Variants in MSH4 observed in about 807,000 individuals in gnomAD.
The protein encoded by MSH4 is mutS homolog 4.
A neutral mutation model predicts 113.7 loss-of-function variants in MSH4; 106 were observed. That is an observed-to-expected ratio of 0.93 (90% CI 0.80 to 1.10). The LOEUF (loss-of-function observed/expected upper bound fraction) is 1.10. Among genes scored for constraint, MSH4 ranks in the 50% least tolerant of loss-of-function variants. The probability of loss-of-function intolerance (pLI) is 0.00; values close to 1 mark genes in which losing one functional copy is unlikely to be tolerated. For missense variants in MSH4, 1,061 were observed against 1,093.7 expected, an observed-to-expected ratio of 0.97 and a Z score of 0.42; for synonymous variants, 368 against 380.2, an observed-to-expected ratio of 0.97 and a Z score of 0.37.
chr1:75,871,984 A>G (rs1191205491), intron 9 of MSH4, among the ~76,000 whole-genome samples: 1 of 152,210 alleles, frequency 6.6e-6, no homozygotes, highest in East Asian at 1.9e-4. Context: ...AAAATTTTAG[A>G]TGCTCCAGAT....
At chr1:75,811,626 T>G (rs1041013917) in intron 4 of MSH4, among the ~76,000 whole-genome samples, 1 of 152,234 alleles carries the variant, frequency 6.6e-6, no homozygotes, top group African/African-American at 2.4e-5. Flanking sequence ...CTAGTGTCTA[T>G]CTGTAGGACT....
At chr1:75,908,727 T>A (rs1652724252) in intron 19 of MSH4, among the ~76,000 whole-genome samples, 1 of 152,102 alleles carries the variant, frequency 6.6e-6, no homozygotes, top group Admixed American at 6.6e-5. Context: ...ACTTTCTAGG[T>A]TGTATGTTTG....
chr1:75,849,579 G>C (rs1651143560), intron 8 of MSH4, among the ~76,000 whole-genome samples: 2 of 152,116 alleles, frequency 1.3e-5, no homozygotes, highest in Non-Finnish European at 2.9e-5. Context: ...AAAAGCTTTA[G>C]CTGTTGGGCA....
chr1:75,827,071 G>T (rs1274049688), intron 7 of MSH4, among the ~76,000 whole-genome samples: 1 of 152,028 alleles, frequency 6.6e-6, no homozygotes, highest in Non-Finnish European at 1.5e-5. Flanking sequence ...AGGAAAAAAT[G>T]TTAAGGGAAG....
At chr1:75,856,409 G>A (rs189992049) in intron 8 of MSH4, among the ~76,000 whole-genome samples, 1 of 152,172 alleles carries the variant, frequency 6.6e-6, no homozygotes, top group Non-Finnish European at 1.5e-5. Context: ...ACCTACATTA[G>A]GTATTTTTCC....
intron 15 of MSH4, among the ~76,000 whole-genome samples, chr1:75,885,289 C>G (rs1459266130): frequency 8.7e-6 from 1 of 114,608 alleles, no homozygotes; most frequent in African/African-American, 3.4e-5. Flanking sequence ...CGTATATATA[C>G]TACGTAGTAT....
intron 17 of MSH4, among the ~76,000 whole-genome samples, chr1:75,892,837 T>A (rs1383090146): frequency 6.6e-6 from 1 of 152,136 alleles, no homozygotes; most frequent in African/African-American, 2.4e-5. Flanking sequence ...TTTCTTAACC[T>A]GGGATCCATG....
chr1:75,802,202 C>A (rs545256862), intron 1 of MSH4, among the ~76,000 whole-genome samples: 31 of 152,032 alleles, frequency 2.0e-4, no homozygotes, highest in African/African-American at 2.4e-5. Context: ...AGTTTAGCAA[C>A]CCCTGGTTTA....
At position 75,860,089 on chromosome 1, in the gene MSH4, C is replaced by CT. The variant is rs202103910; in HGVS notation, c.1231-7415dup. On this transcript the variant is annotated intron_variant, in intron 8 of 19. Coordinates refer to ENST00000263187, the MANE Select transcript of MSH4 (RefSeq NM_002440.4). ...TCAGAGACTAGGATTGCAACCCCTG[C>CT]TTTTTTTTTTGCTTTCCATTTGCTT... Among the ~76,000 whole-genome samples, 165 of 146,960 alleles carry CT rather than the reference C, an allele frequency of 1.1e-3. 1 individual carries two copies. The highest frequency in any genetic ancestry group is 3.6e-3 in the Middle Eastern group (1 of 278).
chr1:75,860,992 C>T (rs1488513152), intron 8 of MSH4, among the ~76,000 whole-genome samples: 1 of 152,116 alleles, frequency 6.6e-6, no homozygotes, highest in Non-Finnish European at 1.5e-5. Flanking sequence ...ATCTTGTCTT[C>T]TCTCTTTATT....
chr1:75,906,454 CA>C (rs372694390), intron 19 of MSH4, among the ~76,000 whole-genome samples: 1 of 7,262 alleles, frequency 1.4e-4, no homozygotes, highest in Non-Finnish European at 3.4e-4. Context: ...AATATATATA[CA>C]ATATTATATA....
intron 19 of MSH4, among the ~76,000 whole-genome samples, chr1:75,906,919 T>C (rs1845276): frequency 0.43 from 64,224 of 150,774 alleles, 14,026 homozygotes; most frequent in African/African-American, 0.5. Flanking sequence ...CTGCAAGCTC[T>C]GCCTCCTGGG....
intron 8 of MSH4, among the ~76,000 whole-genome samples, chr1:75,850,079 G>A (rs1651154182): frequency 6.6e-6 from 1 of 152,022 alleles, no homozygotes; most frequent in South Asian, 2.1e-4. Flanking sequence ...TAATCAGCCT[G>A]GCTAGATATT....
In MSH4 at chr1:75,827,155, A is replaced by G. The variant is rs993672565; in HGVS notation, c.1162+4574A>G. 1.3e-5 allele frequency among the ~76,000 whole-genome samples: 2 copies of G among 152,182 alleles called. 1 individual carries two copies. Among genetic ancestry groups the G allele is most frequent in the South Asian group, 4.1e-4 (2 of 4,832 alleles). On this transcript the variant is annotated intron_variant, in intron 7 of 19. Coordinates refer to ENST00000263187, the MANE Select transcript of MSH4 (RefSeq NM_002440.4). ...CAGCGGATCTCTGTGCAGAAACCCT[A>G]CAAGCAAGAAGAGAGTGGGGGCCAA...
chr1:75,854,389 C>T (rs1651270662), intron 8 of MSH4, among the ~76,000 whole-genome samples: 1 of 152,126 alleles, frequency 6.6e-6, no homozygotes, highest in African/African-American at 2.4e-5. Context: ...TCTCACCTCT[C>T]TCAGGCTCAA....
rs185082819 is a variant in MSH4, at chr1:75,882,414, C to T, written c.1906+1044C>T. On this transcript the variant is annotated intron_variant, in intron 14 of 19. Coordinates refer to ENST00000263187, the MANE Select transcript of MSH4 (RefSeq NM_002440.4). ...ACATTTTGGTTTTCACATATGCTTT[C>T]ACCCTCTTCCTCCTCCCCCCACTTC... Among the ~76,000 whole-genome samples, 8 of 151,982 alleles carry T rather than the reference C, an allele frequency of 5.3e-5. No individual in the cohort carries two copies. The East Asian group carries it at 1.5e-3, about 29-fold the overall frequency.
At chr1:75,881,896 T>C (rs192522043) in intron 14 of MSH4, among the ~76,000 whole-genome samples, 1 of 152,168 alleles carries the variant, frequency 6.6e-6, no homozygotes, top group African/African-American at 2.4e-5. Context: ...AGTTAGTGCT[T>C]TGACATTTCT....
chr1:75,831,600 G>A (rs558913318), intron 7 of MSH4, among the ~76,000 whole-genome samples: 12 of 152,324 alleles, frequency 7.9e-5, no homozygotes, highest in Non-Finnish European at 1.6e-4. Flanking sequence ...AGACCACAGT[G>A]CAATCAAACT....
chr1:75,883,501 GTTA>G (rs1489985477), intron 14 of MSH4, 117 bp from the exon 15 acceptor site: 3 of 761,392 alleles, frequency 3.9e-6, no homozygotes, highest in African/African-American at 3.5e-5. Flanking sequence ...GTACCTTAAT[GTTA>G]TTATTCCAAA....
Sources: gnomAD v4.1 joint callset for allele counts (sites outside exome capture counted in the v4.1 genomes callset) on GRCh38, gnomAD v4.1.1 for gene constraint, MANE v1.5 for transcripts, NCBI Gene and HGNC (gene_info 2026-07-23, HGNC 2026-07-21) for gene names.